The following PTPRD variants were observed in gnomAD, a reference collection of about 807,000 sequenced individuals.
PTPRD encodes protein tyrosine phosphatase receptor type D, also known as receptor-type tyrosine-protein phosphatase delta.
In PTPRD, 34 loss-of-function variants were observed where a neutral mutation model predicts 214.5. The observed-to-expected ratio is 0.16, with a 90% CI of 0.12 to 0.21. The LOEUF (loss-of-function observed/expected upper bound fraction) is 0.21. Among genes scored for constraint, PTPRD ranks in the 10% least tolerant of loss-of-function variants. The probability of loss-of-function intolerance (pLI) is 1.00; values close to 1 mark genes in which losing one functional copy is unlikely to be tolerated. For missense variants in PTPRD, 2,545 were observed against 2,398.7 expected, an observed-to-expected ratio of 1.06 and a Z score of -1.27; for synonymous variants, 1,128 against 845.7, an observed-to-expected ratio of 1.33 and a Z score of -5.79.
chr9:9,939,654 C>G (rs1053786905), intron 4 of PTPRD, among the ~76,000 whole-genome samples: 2 of 152,178 alleles, frequency 1.3e-5, no homozygotes, highest in South Asian at 4.1e-4. Flanking sequence ...TGCCTGGTAA[C>G]ACCCTCTGTG....
chr9:9,320,832 CTCT>C (rs1212324908), intron 9 of PTPRD, among the ~76,000 whole-genome samples: 4 of 152,178 alleles, frequency 2.6e-5, no homozygotes, highest in Non-Finnish European at 5.9e-5. Context: ...GCTCAAATTT[CTCT>C]TCAACTACTC....
chr9:8,753,923 T>A (rs2093753469), intron 11 of PTPRD, among the ~76,000 whole-genome samples: 2 of 152,204 alleles, frequency 1.3e-5, no homozygotes, highest in South Asian at 4.2e-4. Context: ...GGAGGTTGGA[T>A]CACCTGAGGT....
Position 10,242,609 on chromosome 9 carries a change from A to ATTTT in PTPRD, c.-545+98350_-545+98353dup, listed in dbSNP as rs57797070. ...AGTGTTAGAGGCAGGCATTGAATACATTTTTTTTTTTTTGCATTTTTGACT... is the reference window on the plus strand; with the variant it reads ...AGTGTTAGAGGCAGGCATTGAATACATTTTTTTTTTTTTTTTTGCATTTTTGACT... On this transcript the variant is annotated intron_variant, in intron 3 of 45. Coordinates refer to ENST00000381196, the MANE Select transcript of PTPRD (RefSeq NM_002839.4). Among the ~76,000 whole-genome samples the ATTTT allele has an allele frequency of 2.9e-3, 413 of 143,302 alleles. 9 individuals carry two copies. The highest frequency in any genetic ancestry group is 0.021 in the East Asian group (100 of 4,852). 94.0% of individuals were successfully genotyped at this position (143,302 alleles called of 152,430 possible).
At chr9:8,490,519 C>CAAAT (rs1315312345) in intron 27 of PTPRD, among the ~76,000 whole-genome samples, 1 of 152,140 alleles carries the variant, frequency 6.6e-6, no homozygotes, top group African/African-American at 2.4e-5. Flanking sequence ...TATCCTTAAA[C>CAAAT]ATAGCTGTTC....
chr9:10,521,839 A>C (rs10756056), intron 2 of PTPRD, among the ~76,000 whole-genome samples: 58,544 of 151,742 alleles, frequency 0.39, 12,805 homozygotes, highest in Non-Finnish European at 0.51. Flanking sequence ...CTATTGCACA[A>C]TTAATAGGCT....
intron 3 of PTPRD, among the ~76,000 whole-genome samples, chr9:10,245,448 A>G (rs560225603): frequency 6.6e-6 from 1 of 152,298 alleles, no homozygotes; most frequent in Non-Finnish European, 1.5e-5. Flanking sequence ...TCCGTACACA[A>G]TGCATACCTA....
At chr9:8,841,777 C>G (rs770106823) in intron 11 of PTPRD, among the ~76,000 whole-genome samples, 3 of 151,792 alleles carry the variant, frequency 2.0e-5, no homozygotes, top group Admixed American at 6.6e-5. Flanking sequence ...TTTGGGAGGC[C>G]AAGGCGGGTG....
chr9:9,015,906 A>T, intron 11 of PTPRD, among the ~76,000 whole-genome samples: 1 of 152,110 alleles, frequency 6.6e-6, no homozygotes, highest in Non-Finnish European at 1.5e-5. Flanking sequence ...TGTTGTTGTT[A>T]TGGAGGTGAG....
At chr9:9,789,297 T>C (rs1198076123) in intron 5 of PTPRD, among the ~76,000 whole-genome samples, 1 of 152,196 alleles carries the variant, frequency 6.6e-6, no homozygotes, top group Non-Finnish European at 1.5e-5. Flanking sequence ...TATAGGCAAG[T>C]TCCCGTAGCG....
At chr9:9,684,996 C>T (rs1333647563) in intron 7 of PTPRD, among the ~76,000 whole-genome samples, 1 of 151,470 alleles carries the variant, frequency 6.6e-6, no homozygotes, top group East Asian at 1.9e-4. Context: ...AGCCTGAAGC[C>T]CATGTCCTTA....
chr9:8,647,114 T>A (rs528174858), intron 12 of PTPRD, among the ~76,000 whole-genome samples: 2 of 152,302 alleles, frequency 1.3e-5, no homozygotes, highest in East Asian at 3.9e-4. Flanking sequence ...AGATTACAGA[T>A]TCATGTGTAT....
At chr9:8,733,722 T>G (rs574513893) in intron 12 of PTPRD, 58 bp downstream of exon 12, 1 of 1,534,490 alleles carries the variant, frequency 6.5e-7, no homozygotes, top group African/African-American at 1.4e-5. Context: ...TGGTGCCAAC[T>G]GCAAACAAAA....
intron 3 of PTPRD, among the ~76,000 whole-genome samples, chr9:10,311,944 C>T (rs549951718): frequency 4.8e-4 from 73 of 151,842 alleles, no homozygotes; most frequent in Middle Eastern, 3.4e-3. Flanking sequence ...TTTTCTCTCT[C>T]TCTTCCCTGG....
chr9:10,048,291 C>G (rs563959673), intron 3 of PTPRD, among the ~76,000 whole-genome samples: 23 of 151,946 alleles, frequency 1.5e-4, no homozygotes, highest in Non-Finnish European at 3.4e-4. Context: ...ATCTCTGTTT[C>G]AGTTCTGGTC....
intron 7 of PTPRD, among the ~76,000 whole-genome samples, chr9:9,625,093 T>A (rs2095376345): frequency 6.6e-6 from 1 of 152,208 alleles, no homozygotes; most frequent in Non-Finnish European, 1.5e-5. Flanking sequence ...AATCAAATTA[T>A]TCGAAGTCAC....
At chr9:10,047,432 ATTATTTATTTCATTTTATTAGT>A (rs1259201081) in intron 3 of PTPRD, among the ~76,000 whole-genome samples, 15 of 151,752 alleles carry the variant, frequency 9.9e-5, no homozygotes, top group African/African-American at 3.6e-4. Flanking sequence ...ATATGTTACA[ATTATTTATTTCATTTTATTAGT>A]TTGAATAAAT....
chr9:10,144,949 G>GT (rs1362676977), intron 3 of PTPRD, among the ~76,000 whole-genome samples: 1 of 151,766 alleles, frequency 6.6e-6, no homozygotes, highest in Non-Finnish European at 1.5e-5. Context: ...AGAAAAGTAG[G>GT]TAAGACTTGC....
chr9:9,277,544 G>A (rs76276550), intron 9 of PTPRD, among the ~76,000 whole-genome samples: 9,401 of 151,186 alleles, frequency 0.062, 406 homozygotes, highest in Middle Eastern at 0.099. Context: ...TATACAGAAG[G>A]ATCTCTTACC....
At chr9:10,018,592 G>T (rs1426387896) in intron 4 of PTPRD, among the ~76,000 whole-genome samples, 1 of 115,220 alleles carries the variant, frequency 8.7e-6, no homozygotes, top group Non-Finnish European at 1.7e-5. Context: ...CTGTCGCCCA[G>T]GCTGGAGTGC....
Sources: allele counts gnomAD v4.1 joint callset (sites outside exome capture counted in the v4.1 genomes callset), GRCh38; gene constraint gnomAD v4.1.1; transcripts MANE v1.5; gene names NCBI Gene and HGNC (gene_info 2026-07-23, HGNC 2026-07-21).